The following FANCI variants were observed in gnomAD, a reference collection of about 807,000 sequenced individuals.
The protein encoded by FANCI is FA complementation group I.
FANCI carries 156 observed loss-of-function variants against 176.1 expected under a neutral mutation model. The ratio of observed to expected loss-of-function variants is 0.89; its 90% CI spans 0.78 to 1.01. The LOEUF (loss-of-function observed/expected upper bound fraction) is 1.01. Among genes scored for constraint, FANCI ranks in the 50% least tolerant of loss-of-function variants. The probability of loss-of-function intolerance (pLI) is 0.00; values close to 1 mark genes in which losing one functional copy is unlikely to be tolerated. For synonymous variants in FANCI, 613 were observed against 541.7 expected, an observed-to-expected ratio of 1.13 and a Z score of -1.83; for missense variants, 1,678 against 1,534.1, an observed-to-expected ratio of 1.09 and a Z score of -1.57.
At chr15:89,304,835 G>A (rs1452311414) in intron 28 of FANCI, among the ~76,000 whole-genome samples, 3 of 151,302 alleles carry the variant, frequency 2.0e-5, no homozygotes, top group Non-Finnish European at 4.4e-5. Flanking sequence ...GGAATGCAAT[G>A]GCACGGTCTT....
In FANCI at chr15:89,317,129, A is replaced by C; in HGVS notation, c.*670A>C. ...TCTATAGAATAAATTATCTTTAAACATTTCTTCTGTGGTTGAAGTAGGGGA... is the reference window on the plus strand; with the variant it reads ...TCTATAGAATAAATTATCTTTAAACCTTTCTTCTGTGGTTGAAGTAGGGGA... On this transcript the variant is annotated 3_prime_UTR_variant, in exon 38 of 38. Transcript: ENST00000310775. 1 of 595,468 alleles carries C rather than the reference A, an allele frequency of 1.7e-6. No homozygotes were observed. The highest frequency in any genetic ancestry group is 3.0e-6 in the Non-Finnish European group (1 of 336,232). The allele number at this position is 595,468 out of a possible 1,614,324, so 36.9% of individuals were successfully genotyped here.
At position 89,250,378 on chromosome 15, in the gene FANCI, G is replaced by T. The variant is rs571207094; in HGVS notation, c.84+2647G>T. On this transcript the variant is annotated intron_variant, in intron 2 of 37. Transcript: ENST00000310775. Reference sequence around the variant, plus strand: ...ACTATGCAGCCATAAAAAATGATGAGTTCATGTCCTTTGTAGGGACATGGA... The same window carrying T: ...ACTATGCAGCCATAAAAAATGATGATTTCATGTCCTTTGTAGGGACATGGA... Among the ~76,000 whole-genome samples, 4 of 152,270 alleles carry T rather than the reference G, an allele frequency of 2.6e-5. No homozygotes were observed. The South Asian group carries it at 8.3e-4, about 32-fold the overall frequency.
chr15:89,317,224 A>T, downstream of FANCI: 1 of 702,590 alleles, frequency 1.4e-6, no homozygotes, highest in South Asian at 1.6e-5. Flanking sequence ...TTCACTCTGG[A>T]CACAGGGCAC....
chr15:89,290,113 CTG>C (rs1054756956), intron 18 of FANCI, 98 bp from the exon 19 acceptor site: 14 of 974,176 alleles, frequency 1.4e-5, no homozygotes, highest in Non-Finnish European at 2.3e-5. Context: ...TAGGAAAAAA[CTG>C]AGAAGAGGAT....
rs1211300732 is a variant in FANCI at position 89,295,098 on chromosome 15, A to G, written c.2636+4A>G. On this transcript the variant is annotated splice_donor_region_variant and intron_variant, in intron 24 of 37. Transcript: ENST00000310775. ...AGAACCTCTGTGACATAACTCGGTA[A>G]GCCACTCCCACCCCTTAGAAACTTA... 50 of 1,551,236 alleles carry G rather than the reference A, an allele frequency of 3.2e-5. No individual in the cohort carries two copies. Among genetic ancestry groups the G allele is most frequent in the Non-Finnish European group, 3.9e-5 (45 of 1,146,906 alleles).
At chr15:89,260,316 A>G (rs547061683) in intron 3 of FANCI, among the ~76,000 whole-genome samples, 4 of 152,350 alleles carry the variant, frequency 2.6e-5, no homozygotes, top group African/African-American at 9.6e-5. Flanking sequence ...TCAACTTATT[A>G]AAAGTTCACA....
At chr15:89,296,079 T>G (rs1307633683) in intron 24 of FANCI, among the ~76,000 whole-genome samples, 1 of 152,188 alleles carries the variant, frequency 6.6e-6, no homozygotes, top group Admixed American at 6.5e-5. Flanking sequence ...GTGATCCTCC[T>G]GCCTCAGTCT....
rs563218968 is a variant in FANCI, at chr15:89,285,194, T to C, written c.1797T>C (p.Ala599=). ...TGAGGAGATGCTTAAGCCAGCAAGC[T>C]GATGTTCGACTCATGCTTTATGAGG... ...DSLRRCLSQQ[A]DVRLMLYEGF... Residue 599 remains alanine (A), a synonymous_variant, in exon 18 of 38, where the codon GCT becomes GCC. Coordinates refer to ENST00000310775, the MANE Select transcript of FANCI (RefSeq NM_001113378.2). 8.1e-6 allele frequency: 13 copies of C among 1,614,162 alleles called. No individual in the cohort carries two copies. The African/African-American group carries it at 1.6e-4, about 20-fold the overall frequency.
chr15:89,269,000 AACTC>A (rs2053092114), intron 10 of FANCI, among the ~76,000 whole-genome samples: 1 of 152,174 alleles, frequency 6.6e-6, no homozygotes, highest in African/African-American at 2.4e-5. Flanking sequence ...AGTAAAATAA[AACTC>A]AGAAGTGTTT....
intron 24 of FANCI, among the ~76,000 whole-genome samples, chr15:89,298,625 A>G (rs2054404668): frequency 6.6e-6 from 1 of 152,192 alleles, no homozygotes; most frequent in Admixed American, 6.5e-5. Context: ...CACAACTATG[A>G]AGAAGCAGAA....
chr15:89,316,924 G>T lies in FANCI; in HGVS notation c.*465G>T. On this transcript the variant is annotated 3_prime_UTR_variant, in exon 38 of 38. Coordinates refer to ENST00000310775, the MANE Select transcript of FANCI (RefSeq NM_001113378.2). Reference sequence around the variant, plus strand: ...GAGCTTAATGCTAAGGTCAAAAGGAGAGTGAAAGGTTGAGAACAATTGCCA... The same window carrying T: ...GAGCTTAATGCTAAGGTCAAAAGGATAGTGAAAGGTTGAGAACAATTGCCA... The T allele has an allele frequency of 2.2e-6, 2 of 893,980 alleles. No individual in the cohort carries two copies. The highest frequency in any genetic ancestry group is 1.8e-5 in the Admixed American group (1 of 57,054). 55.4% of individuals were successfully genotyped at this position (893,980 alleles called of 1,614,324 possible). A position where few individuals can be genotyped will look rare whatever the true frequency, so the allele number is the denominator to read the frequency against.
At position 89,261,582 on chromosome 15, in the gene FANCI, T is replaced by TA. The variant is rs1442842066; in HGVS notation, c.289-2dup. 1 of 1,614,120 alleles carries TA rather than the reference T, an allele frequency of 6.2e-7. No homozygotes were observed. Among genetic ancestry groups the TA allele is most frequent in the Admixed American group, 1.7e-5 (1 of 60,026 alleles). On this transcript the variant is annotated splice_region_variant and splice_polypyrimidine_tract_variant and intron_variant, in intron 4 of 37. Coordinates refer to ENST00000310775, the MANE Select transcript of FANCI (RefSeq NM_001113378.2). ...AGATTTCCTTTATCCTGTGAACTTT[T>TA]AGGCTCACCATTTTCCAGGACCATT...
At position 89,303,864 on chromosome 15, in the gene FANCI, T is replaced by G; in HGVS notation, c.3007T>G (p.Phe1003Val). Residue 1003 changes from phenylalanine to valine, a missense_variant and splice_region_variant, in exon 28 of 38, where the codon TTT becomes GTT. Physicochemically the swap from Phe to Val is conservative, Grantham distance 50. Transcript: ENST00000310775. ...SKLLEPSSPQ[F>V]VQMLSWTSKI... ...AATATCTGAATGATCTCTAATTTAG[T>G]TTGTGCAGATGTTATCCTGGACATC... 1.9e-6 allele frequency: 3 copies of G among 1,613,724 alleles called. No individual in the cohort carries two copies. Among genetic ancestry groups the G allele is most frequent in the Non-Finnish European group, 2.5e-6 (3 of 1,179,628 alleles).
intron 12 of FANCI, 58 bp downstream of exon 12, chr15:89,274,362 A>G: frequency 6.3e-7 from 1 of 1,594,612 alleles, no homozygotes; most frequent in Non-Finnish European, 8.6e-7. Flanking sequence ...TAGAAAATGC[A>G]ATGTGATATC....
chr15:89,268,653 T>G, intron 10 of FANCI, 128 bp downstream of exon 10: 2 of 654,078 alleles, frequency 3.1e-6, no homozygotes, highest in Non-Finnish European at 4.4e-6. Context: ...GAGGATCTCT[T>G]TTTTTTTTTT....
At chr15:89,298,690 T>G (rs1047307180) in intron 24 of FANCI, among the ~76,000 whole-genome samples, 3 of 152,128 alleles carry the variant, frequency 2.0e-5, no homozygotes, top group Non-Finnish European at 2.9e-5. Flanking sequence ...ATCAATAAAT[T>G]TAATGAACTT....
chr15:89,301,552 T>C, intron 27 of FANCI, 110 bp downstream of exon 27: 2 of 824,088 alleles, frequency 2.4e-6, no homozygotes, highest in South Asian at 1.3e-5. Flanking sequence ...TTATTTTACA[T>C]AATGTGTTTA....
rs779117451 is a variant in FANCI, at chr15:89,261,700, C to T, written c.404C>T (p.Thr135Ile). The change falls in exon 5 of 38, where the codon ACT becomes ATT. Residue 135 changes from threonine to isoleucine, a missense_variant. Around this residue, in one of 3 missense-constraint regions of FANCI, gnomAD observed 469 missense variants for 436.9 expected, o/e 1.07. Coordinates refer to ENST00000310775, the MANE Select transcript of FANCI (RefSeq NM_001113378.2). ...KSLELLPIILTALATKKENLA... is the reference protein window; with the variant it reads ...KSLELLPIILIALATKKENLA... ...TTGGAGTTACTACCTATCATTCTCACTGCCCTGGCTACGAAAAAGGAAAAT... is the reference window on the plus strand; with the variant it reads ...TTGGAGTTACTACCTATCATTCTCATTGCCCTGGCTACGAAAAAGGAAAAT... The T allele has an allele frequency of 6.2e-7, 1 of 1,614,120 alleles. No homozygotes were observed. Among genetic ancestry groups the T allele is most frequent in the Non-Finnish European group, 8.5e-7 (1 of 1,180,012 alleles).
At chr15:89,252,327 G>A (rs796573639) in intron 2 of FANCI, among the ~76,000 whole-genome samples, 13 of 151,378 alleles carry the variant, frequency 8.6e-5, no homozygotes, top group East Asian at 3.9e-4. Flanking sequence ...AATATAAAAC[G>A]TCTCTCTTTG....
Sources: allele counts gnomAD v4.1 joint callset (sites outside exome capture counted in the v4.1 genomes callset), GRCh38; gene constraint gnomAD v4.1.1; regional missense constraint gnomAD v4.1.1; transcripts MANE v1.5; gene names NCBI Gene and HGNC (gene_info 2026-07-23, HGNC 2026-07-21).